N4BP2L1: variants seen among roughly 807,000 people sequenced by gnomAD.
N4BP2L1 encodes NEDD4-binding protein 2-like 1.
N4BP2L1 carries 12 observed loss-of-function variants against 21.2 expected under a neutral mutation model. The observed-to-expected ratio is 0.57, with a 90% CI of 0.36 to 0.92. The LOEUF is 0.92. Among genes scored for constraint, N4BP2L1 ranks in the 40% least tolerant of loss-of-function variants. The probability of loss-of-function intolerance (pLI) is 0.01; values close to 1 mark genes in which losing one functional copy is unlikely to be tolerated. For missense variants in N4BP2L1, 259 were observed against 310.6 expected, an observed-to-expected ratio of 0.83 and a Z score of 1.25; for synonymous variants, 104 against 112.8, an observed-to-expected ratio of 0.92 and a Z score of 0.49.
upstream of N4BP2L1, chr13:32,428,152 G>A (rs1245143322): frequency 1.5e-6 from 2 of 1,364,368 alleles, no homozygotes; most frequent in Non-Finnish European, 1.9e-6. Context: ...CAAAGCTGTT[G>A]TTTTTGTGAC....
intron 1 of N4BP2L1, among the ~76,000 whole-genome samples, chr13:32,419,634 G>T (rs2074365228): frequency 6.6e-6 from 1 of 151,934 alleles, no homozygotes; most frequent in African/African-American, 2.4e-5. Context: ...CTGCCGCCAT[G>T]TGAAGAAGGA....
At chr13:32,428,168 G>A, upstream of N4BP2L1, 1 of 1,322,804 alleles carries the variant, frequency 7.6e-7, no homozygotes, top group South Asian at 2.1e-5. Context: ...GTGACTCTCC[G>A]GCCATGTGAT....
intron 1 of N4BP2L1, among the ~76,000 whole-genome samples, chr13:32,413,942 C>T (rs1323061193): frequency 1.5e-5 from 2 of 137,794 alleles, no homozygotes; most frequent in African/African-American, 5.6e-5. Context: ...AGTGCAGTGG[C>T]GCGATCTCAG....
At chr13:32,423,866 T>TACAACATTGTGAGTGTAGTTCC (rs1389834282) in intron 1 of N4BP2L1, among the ~76,000 whole-genome samples, 2 of 152,246 alleles carry the variant, frequency 1.3e-5, no homozygotes, top group Admixed American at 6.5e-5. Flanking sequence ...GTAATGGTTG[T>TACAACATTGTGAGTGTAGTTCC]ACAACATTGT....
At chr13:32,417,693 A>G (rs1289775019) in intron 1 of N4BP2L1, among the ~76,000 whole-genome samples, 1 of 152,164 alleles carries the variant, frequency 6.6e-6, no homozygotes, top group Admixed American at 6.5e-5. Context: ...AGACAGGAAT[A>G]TGTGGGTAAG....
At chr13:32,404,063 T>A (rs1279816749) in intron 4 of N4BP2L1, 2 of 1,195,284 alleles carry the variant, frequency 1.7e-6, no homozygotes. Flanking sequence ...TGAAGAAGCA[T>A]TTTAGCAGAA....
intron 3 of N4BP2L1, 86 bp from the exon 4 acceptor site, chr13:32,404,483 A>T: frequency 3.3e-6 from 3 of 916,974 alleles, no homozygotes; most frequent in Non-Finnish European, 5.1e-6. Flanking sequence ...TTTACTACAA[A>T]TCTTTTCAGA....
chr13:32,400,890 A>C lies in N4BP2L1; in HGVS notation c.*2052T>G, dbSNP rs1443962904. 1 of 152,140 alleles carries C rather than the reference A, an allele frequency of 6.6e-6. No homozygotes were observed. Among genetic ancestry groups the C allele is most frequent in the Admixed American group, 6.5e-5 (1 of 15,284 alleles). 9.4% of individuals were successfully genotyped at this position (152,140 alleles called of 1,614,324 possible). ...TCAGAAGCCATGGGAGTTGAAAAACAGATCACTTCTACAGGGGATAAAGTT... is the reference window on the plus strand; with the variant it reads ...TCAGAAGCCATGGGAGTTGAAAAACCGATCACTTCTACAGGGGATAAAGTT... On this transcript the variant is annotated 3_prime_UTR_variant, in exon 5 of 5. Coordinates refer to ENST00000380130, the MANE Select transcript of N4BP2L1 (RefSeq NM_052818.3).
In N4BP2L1 at chr13:32,410,615, CT is replaced by C. The variant is rs2073806439; in HGVS notation, c.180-2844del. Among the ~76,000 whole-genome samples, 5 of 152,278 alleles carry C rather than the reference CT, an allele frequency of 3.3e-5. 1 individual carries two copies. In the South Asian group the frequency reaches 1.0e-3, roughly 32 times the overall value. Reference sequence around the variant, plus strand: ...ACATCGAAAGTCCAAACCTTAACCTCTGATGCAAACAATTATACAGACAGGA... The same window carrying C: ...ACATCGAAAGTCCAAACCTTAACCTCGATGCAAACAATTATACAGACAGGA... On this transcript the variant is annotated intron_variant, in intron 1 of 4. Coordinates refer to ENST00000380130, the MANE Select transcript of N4BP2L1 (RefSeq NM_052818.3).
chr13:32,418,403 GA>G (rs2074266716), intron 1 of N4BP2L1, among the ~76,000 whole-genome samples: 1 of 152,242 alleles, frequency 6.6e-6, no homozygotes, highest in Non-Finnish European at 1.5e-5. Context: ...TTAGATTTCA[GA>G]AGATGTATGG....
chr13:32,411,309 C>T (rs1014566215), intron 1 of N4BP2L1, among the ~76,000 whole-genome samples: 1 of 144,004 alleles, frequency 6.9e-6, no homozygotes, highest in Non-Finnish European at 1.5e-5. Context: ...GTGTTTTTCA[C>T]CTTTAAGGCC....
chr13:32,406,965 G>T, intron 3 of N4BP2L1: 1 of 416,170 alleles, frequency 2.4e-6, no homozygotes. Context: ...ATGCCTTGCC[G>T]TAGGAAAGTA....
At chr13:32,411,750 A>C (rs1005119622) in intron 1 of N4BP2L1, 7 of 980,986 alleles carry the variant, frequency 7.1e-6, no homozygotes, top group Middle Eastern at 5.2e-4. Context: ...TTCACAACTT[A>C]TTCTTTTGTG....
chr13:32,407,877 G>C, intron 1 of N4BP2L1, 105 bp from the exon 2 acceptor site: 1 of 1,315,350 alleles, frequency 7.6e-7, no homozygotes, highest in South Asian at 1.5e-5. Context: ...ATAATTCTGA[G>C]ACCACCAGGT....
At chr13:32,427,034 A>G (rs1178143179) in intron 1 of N4BP2L1, among the ~76,000 whole-genome samples, 1 of 152,234 alleles carries the variant, frequency 6.6e-6, no homozygotes, top group Non-Finnish European at 1.5e-5. Context: ...AGTTGCTGGA[A>G]CATCAAGCGC....
In N4BP2L1 at chr13:32,419,412, A is replaced by ATTTTTTTTT. The variant is rs71071039; in HGVS notation, c.179+8483_179+8491dup. 266 of 284,670 alleles carry ATTTTTTTTT rather than the reference A, an allele frequency of 9.3e-4. 10 individuals carry two copies. Among genetic ancestry groups the ATTTTTTTTT allele is most frequent in the Middle Eastern group, 1.4e-3 (1 of 692 alleles). The allele number at this position is 284,670 out of a possible 1,614,324, so 17.6% of individuals were successfully genotyped here. A position where few individuals can be genotyped will look rare whatever the true frequency, so the allele number is the denominator to read the frequency against. ...GGGTGCTTGCCACCATGCTTGGCTA[A>ATTTTTTTTT]TTTTTTTTTTTTTTTTTTTTTTTTT... On this transcript the variant is annotated intron_variant, in intron 1 of 4. Transcript: ENST00000380130.
At chr13:32,415,968 A>T (rs987898414) in intron 1 of N4BP2L1, 14 of 152,232 alleles carry the variant, frequency 9.2e-5, no homozygotes, top group Admixed American at 7.9e-4. Flanking sequence ...CCTCTGGCAC[A>T]TAAGGTCCAC....
At chr13:32,426,688 T>C (rs1300695857) in intron 1 of N4BP2L1, among the ~76,000 whole-genome samples, 1 of 152,158 alleles carries the variant, frequency 6.6e-6, no homozygotes, top group Admixed American at 6.5e-5. Flanking sequence ...TGGCTAGCCT[T>C]ATCTCTCCAG....
Position 32,407,713 on chromosome 13 carries a change from C to T in N4BP2L1, c.239G>A (p.Arg80Lys). The T allele has an allele frequency of 6.2e-7, 1 of 1,609,752 alleles. No individual in the cohort carries two copies. The highest frequency in any genetic ancestry group is 2.2e-5 in the East Asian group (1 of 44,830). Reference sequence around the variant, plus strand: ...ATTGAACTCATAGGCACCATCTTCCCTGAAGAAAAAATCATCCGTGCTGAA... The same window carrying T: ...ATTGAACTCATAGGCACCATCTTCCTTGAAGAAAAAATCATCCGTGCTGAA... ...LIFSTDDFFF[R>K]EDGAYEFNPD... The change falls in exon 2 of 5, where the codon AGG becomes AAG. Residue 80 changes from arginine (R) to lysine (K), a missense_variant. Arg to Lys is a conservative substitution (Grantham distance 26, BLOSUM62 2). Around this residue, in one of 3 missense-constraint regions of N4BP2L1, gnomAD observed 91 missense variants for 148.1 expected, o/e 0.61. Transcript: ENST00000380130.
Sources: allele counts gnomAD v4.1 joint callset (sites outside exome capture counted in the v4.1 genomes callset), GRCh38; gene constraint gnomAD v4.1.1; regional missense constraint gnomAD v4.1.1; transcripts MANE v1.5; gene names NCBI Gene and HGNC (gene_info 2026-07-23, HGNC 2026-07-21).